The following HUWE1 variants were observed in gnomAD, a reference collection of about 807,000 sequenced individuals.
HUWE1 encodes HECT, UBA and WWE domain containing E3 ubiquitin protein ligase 1, also known as E3 ubiquitin-protein ligase HUWE1.
HUWE1 carries 18 observed loss-of-function variants against 299.4 expected under a neutral mutation model. That is an observed-to-expected ratio of 0.06 (90% confidence interval 0.04 to 0.09). The LOEUF (loss-of-function observed/expected upper bound fraction) is 0.09, where lower values mean the gene tolerates loss of function less well. HUWE1 is among the 10% of genes least tolerant of loss of function. The pLI, the probability that HUWE1 is intolerant of heterozygous loss-of-function variation, is 1.00. For synonymous variants in HUWE1, 1,317 were observed against 1,286.1 expected (o/e 1.02, Z -0.51); for missense variants, 1,832 against 3,462.3 (o/e 0.53, Z 11.82).
intron 49 of HUWE1, among the ~76,000 whole-genome samples, chrX:53,567,795 T>A (rs1959782759): frequency 9.0e-6 from 1 of 111,423 alleles, no homozygotes; most frequent in African/African-American, 3.3e-5. Flanking sequence ...GACTTTCTAG[T>A]AAGAACAAAA....
chrX:53,553,535 C>T (rs1347590234), intron 61 of HUWE1, among the ~76,000 whole-genome samples: 3 of 107,742 alleles, frequency 2.8e-5, no homozygotes, highest in Non-Finnish European at 3.8e-5. Context: ...TTCGGTAGGG[C>T]GCAGTGGCTC....
At chrX:53,542,739 C>G in intron 73 of HUWE1, 200 bp from the exon 74 acceptor site, 1 of 443,422 alleles carries the variant, frequency 2.3e-6, no homozygotes, top group South Asian at 3.2e-5. Flanking sequence ...GTTTTGTAAG[C>G]TTTTCCCAAC....
intron 39 of HUWE1, 107 bp from the exon 40 acceptor site, chrX:53,585,295 A>ATACTGG: frequency 1.3e-6 from 1 of 760,338 alleles, no homozygotes; most frequent in Non-Finnish European, 2.0e-6. Context: ...AAAAAGAAAT[A>ATACTGG]TACTGGACAA....
chrX:53,542,605 G>C, intron 73 of HUWE1, 66 bp from the exon 74 acceptor site: 1 of 760,669 alleles, frequency 1.3e-6, no homozygotes, highest in East Asian at 3.2e-5. Flanking sequence ...ACAGGCTAGA[G>C]GTTGGCCCTT....
At chrX:53,662,431 C>T (rs1557045942) in intron 3 of HUWE1, among the ~76,000 whole-genome samples, 1 of 111,777 alleles carries the variant, frequency 8.9e-6, no homozygotes, top group Non-Finnish European at 1.9e-5. Context: ...ACAACTAGTT[C>T]CATTTGAGGA....
intron 3 of HUWE1, among the ~76,000 whole-genome samples, chrX:53,674,595 A>G (rs1215969142): frequency 8.9e-6 from 1 of 112,157 alleles, no homozygotes; most frequent in African/African-American, 3.2e-5. Context: ...GCATTTTTGA[A>G]TTCATGAAGT....
chrX:53,538,717 C>T (rs1402031953), intron 76 of HUWE1, 118 bp downstream of exon 76: 2 of 709,500 alleles, frequency 2.8e-6, no homozygotes, highest in African/African-American at 4.7e-5. Flanking sequence ...CACACACACA[C>T]ACACACACTC....
At chrX:53,591,514 C>T (rs1446070047) in intron 33 of HUWE1, among the ~76,000 whole-genome samples, 1 of 111,879 alleles carries the variant, frequency 8.9e-6, no homozygotes, top group Admixed American at 9.4e-5. Flanking sequence ...TAATCTACTA[C>T]CAGGCAATAA....
intron 43 of HUWE1, among the ~76,000 whole-genome samples, chrX:53,578,793 G>C (rs782423687): frequency 1.3e-5 from 1 of 74,980 alleles, no homozygotes; most frequent in South Asian, 7.8e-4. Context: ...CGCCCCGTCT[G>C]GGAGGGAGGT....
In HUWE1 at chrX:53,673,688, T is replaced by C. The variant is rs900293575; in HGVS notation, c.-25+6361A>G. On this transcript the variant is annotated intron_variant, in intron 3 of 83. Transcript: ENST00000262854. ...GTGTTGAAACTCATTTTGGGGCATT[T>C]TGAATTTTGGATTAGGGACACTCAA... 3.6e-5 allele frequency among the ~76,000 whole-genome samples: 4 copies of C among 111,816 alleles called. No homozygotes were observed. The East Asian group carries it at 8.3e-4, about 23-fold the overall frequency.
intron 31 of HUWE1, among the ~76,000 whole-genome samples, chrX:53,594,009 A>C (rs2064310608): frequency 9.0e-6 from 1 of 111,109 alleles, no homozygotes; most frequent in African/African-American, 3.3e-5. Flanking sequence ...AGACAGGAGA[A>C]TGGCATGAAC....
intron 78 of HUWE1, chrX:53,537,354 G>C (rs954038420): frequency 6.5e-6 from 3 of 464,909 alleles, no homozygotes; most frequent in African/African-American, 4.8e-5. Flanking sequence ...TTGTTGGGTA[G>C]CTTAGCTAAA....
intron 74 of HUWE1, among the ~76,000 whole-genome samples, chrX:53,541,339 G>C (rs1423627529): frequency 1.8e-5 from 2 of 111,739 alleles, no homozygotes; most frequent in African/African-American, 6.5e-5. Flanking sequence ...TGTAATCCCA[G>C]CACTTTGGGA....
intron 73 of HUWE1, 155 bp from the exon 74 acceptor site, chrX:53,542,694 A>C: frequency 8.2e-6 from 4 of 485,801 alleles, no homozygotes; most frequent in Non-Finnish European, 1.5e-5. Context: ...GGACAAAAGG[A>C]TGCCTTTCCC....
chrX:53,545,199 C>A (rs782075125), intron 70 of HUWE1, 38 bp from the exon 71 acceptor site: 1 of 1,197,583 alleles, frequency 8.4e-7, no homozygotes, highest in Non-Finnish European at 1.1e-6. Context: ...TTCAGAGACT[C>A]CCCTGGTAAA....
chrX:53,575,900 G>A, intron 44 of HUWE1, 112 bp from the exon 45 acceptor site: 2 of 769,267 alleles, frequency 2.6e-6, no homozygotes, highest in Admixed American at 2.6e-5. Context: ...GGCTATGACT[G>A]TTTACATGGT....
chrX:53,658,683 G>A (rs984613114), intron 3 of HUWE1, among the ~76,000 whole-genome samples: 2 of 111,941 alleles, frequency 1.8e-5, no homozygotes, highest in Admixed American at 9.4e-5. Context: ...AATCTAAACC[G>A]AAATTACATG....
chrX:53,652,982 T>C (rs1372277727), intron 4 of HUWE1, among the ~76,000 whole-genome samples: 1 of 111,870 alleles, frequency 8.9e-6, no homozygotes, highest in African/African-American at 3.3e-5. Context: ...ATCCTGTCTC[T>C]ACACAAAATA....
Position 53,578,594 on chromosome X carries a change from C to G in HUWE1, c.5717-1527G>C, listed in dbSNP as rs1160815337. ...GGGAGGGGGGAGGGGGGGTCAGCCC[C>G]CTGCCCGGCCAGCCGCCCCGTCCGG... is the stretch of plus-strand genomic sequence containing the variant. On this transcript the variant is annotated intron_variant, in intron 43 of 83. Coordinates refer to ENST00000262854, the MANE Select transcript of HUWE1 (RefSeq NM_031407.7). Among the ~76,000 whole-genome samples the G allele has an allele frequency of 8.0e-3, 751 of 93,308 alleles. 5 individuals are homozygous for G. Among genetic ancestry groups the G allele is most frequent in the African/African-American group, 0.03 (718 of 23,990 alleles). The allele number at this position is 93,308 out of a possible 115,157, so 81.0% of individuals were successfully genotyped here. A position where few individuals can be genotyped will look rare whatever the true frequency, so the allele number is the denominator to read the frequency against.
Sources: allele counts gnomAD v4.1 joint callset (sites outside exome capture counted in the v4.1 genomes callset), GRCh38; gene constraint gnomAD v4.1.1; transcripts MANE v1.5; gene names NCBI Gene and HGNC (gene_info 2026-07-23, HGNC 2026-07-21).